Variants in VAV2 observed in about 807,000 individuals in gnomAD.
The protein encoded by VAV2 is guanine nucleotide exchange factor VAV2.
In VAV2, 67 loss-of-function variants were observed where a neutral mutation model predicts 132.5. The ratio of observed to expected loss-of-function variants is 0.51; its 90% CI spans 0.42 to 0.62. The LOEUF is 0.62. VAV2 is among the 20% of genes least tolerant of loss of function. The pLI is 0.00. For missense variants in VAV2, 938 were observed against 1,153.6 expected, an observed-to-expected ratio of 0.81 and a Z score of 2.71; for synonymous variants, 492 against 443.5, an observed-to-expected ratio of 1.11 and a Z score of -1.37.
chr9:133,975,727 C>A (rs979939916), intron 1 of VAV2, among the ~76,000 whole-genome samples: 7 of 152,322 alleles, frequency 4.6e-5, no homozygotes, highest in African/African-American at 1.7e-4. Flanking sequence ...GCCCTGGGTC[C>A]AAGAGAGTGT....
At chr9:133,941,609 G>T (rs1318528331) in intron 1 of VAV2, among the ~76,000 whole-genome samples, 50 of 958 alleles carry the variant, frequency 0.052, no homozygotes, top group East Asian at 0.35. Context: ...ACTTTTTTTT[G>T]GGGGGGGGGG....
chr9:133,974,381 G>C (rs1004180566), intron 1 of VAV2, among the ~76,000 whole-genome samples: 5 of 152,184 alleles, frequency 3.3e-5, no homozygotes, highest in African/African-American at 1.2e-4. Context: ...CTCCCCTTGA[G>C]GCAGCCACTC....
Position 133,788,235 on chromosome 9 carries a change from C to CCCCCCCCCAAA in VAV2, c.1407+118_1407+119insTTTGGGGGGGG. 16 of 998,858 alleles carry CCCCCCCCCAAA rather than the reference C, an allele frequency of 1.6e-5. No homozygotes were observed. Among genetic ancestry groups the CCCCCCCCCAAA allele is most frequent in the East Asian group, 2.9e-5 (1 of 34,184 alleles). 61.9% of individuals were successfully genotyped at this position (998,858 alleles called of 1,614,324 possible). ...CAGAGCGGAGACGCCCACCCCAACC[C>CCCCCCCCCAAA]ACCCGGCCAGCATCAGCGGCTGACT... On this transcript the variant is annotated intron_variant, in intron 15 of 29. Transcript: ENST00000371850. The surrounding 1 kb of genome is among the most constrained non-coding windows in gnomAD (Gnocchi z 5.3).
chr9:133,822,297 G>C (rs1835821104), intron 4 of VAV2, among the ~76,000 whole-genome samples: 1 of 152,224 alleles, frequency 6.6e-6, no homozygotes, highest in African/African-American at 2.4e-5. Flanking sequence ...GCCAAGCAGG[G>C]TACCAAGCTG....
chr9:133,955,852 C>T (rs973206971), intron 1 of VAV2, among the ~76,000 whole-genome samples: 11 of 132,768 alleles, frequency 8.3e-5, no homozygotes, highest in East Asian at 2.3e-4. Flanking sequence ...TCCCCCAGCC[C>T]GAGGGGAGCC....
chr9:133,897,646 T>C (rs543023390), intron 2 of VAV2, among the ~76,000 whole-genome samples: 1 of 152,270 alleles, frequency 6.6e-6, no homozygotes, highest in East Asian at 1.9e-4. Flanking sequence ...CCAAAAGGTG[T>C]GGCTCTAAGC....
chr9:133,768,115 G>C lies in VAV2; in HGVS notation c.2589+327C>G, dbSNP rs998948944. Among the ~76,000 whole-genome samples, 3 of 152,126 alleles carry C rather than the reference G, an allele frequency of 2.0e-5. No homozygotes were observed. Among genetic ancestry groups the C allele is most frequent in the Admixed American group, 6.5e-5 (1 of 15,280 alleles). On this transcript the variant is annotated intron_variant, in intron 29 of 29. Coordinates refer to ENST00000371850, the MANE Select transcript of VAV2 (RefSeq NM_001134398.2). The surrounding 1 kb of genome is among the most constrained non-coding windows in gnomAD (Gnocchi z 5.3). Reference sequence around the variant, plus strand: ...TCCCGCAAACAGAGCTTGGGGACTTGCAAGTAATTTGGCGAGTGCAGCTAT... The same window carrying C: ...TCCCGCAAACAGAGCTTGGGGACTTCCAAGTAATTTGGCGAGTGCAGCTAT...
At position 133,768,730 on chromosome 9, in the gene VAV2, A is replaced by C; in HGVS notation, c.2435-134T>G. The C allele has an allele frequency of 3.3e-6, 4 of 1,201,530 alleles. No homozygotes were observed. Among genetic ancestry groups the C allele is most frequent in the Non-Finnish European group, 3.4e-6 (3 of 883,030 alleles). The allele number at this position is 1,201,530 out of a possible 1,614,324, so 74.4% of individuals were successfully genotyped here. ...TCTGTACCCAGAGAGGAAGGATGTC[A>C]AGCAGAAAGGCTCTGGAGGGACACA... On this transcript the variant is annotated intron_variant, in intron 28 of 29. Coordinates refer to ENST00000371850, the MANE Select transcript of VAV2 (RefSeq NM_001134398.2). The surrounding 1 kb of genome is among the most constrained non-coding windows in gnomAD (Gnocchi z 5.3).
At chr9:133,982,485 G>A (rs995304580) in intron 1 of VAV2, among the ~76,000 whole-genome samples, 7 of 150,648 alleles carry the variant, frequency 4.6e-5, no homozygotes, top group Non-Finnish European at 1.0e-4. Context: ...CCCAAGAGGG[G>A]GCCTAGGATG....
In VAV2 at chr9:133,991,229, G is replaced by A. The variant is rs1247585699; in HGVS notation, c.204+846C>T. ...CTAAGCTGCTCCCGGTAAGGATTCC[G>A]CGACCCCCGGAGAACAGGACGGAAG... On this transcript the variant is annotated intron_variant, in intron 1 of 29. Coordinates refer to ENST00000371850, the MANE Select transcript of VAV2 (RefSeq NM_001134398.2). This position sits in a 1 kb window ranked among gnomAD's most constrained non-coding sequence, Gnocchi z 4.8. Among the ~76,000 whole-genome samples, 2 of 152,196 alleles carry A rather than the reference G, an allele frequency of 1.3e-5. No homozygotes were observed. The highest frequency in any genetic ancestry group is 2.9e-5 in the Non-Finnish European group (2 of 68,042).
At chr9:133,770,036 A>T (rs1266767495) in intron 27 of VAV2, among the ~76,000 whole-genome samples, 1 of 152,170 alleles carries the variant, frequency 6.6e-6, no homozygotes, top group East Asian at 1.9e-4. Context: ...ACAGGGAGGG[A>T]TCTGGGAACA....
intron 4 of VAV2, among the ~76,000 whole-genome samples, chr9:133,818,570 T>C (rs1434748987): frequency 4.6e-5 from 7 of 152,196 alleles, no homozygotes; most frequent in Non-Finnish European, 7.3e-5. Context: ...CTCTGACCTT[T>C]GGACTCAGAC....
chr9:133,784,233 G>A, intron 18 of VAV2, 84 bp downstream of exon 18: 3 of 1,444,748 alleles, frequency 2.1e-6, no homozygotes, highest in Non-Finnish European at 2.9e-6. Flanking sequence ...CAGGGAACAT[G>A]GGACAGATAG....
intron 3 of VAV2, among the ~76,000 whole-genome samples, chr9:133,851,360 T>C (rs1467665847): frequency 6.6e-6 from 1 of 152,232 alleles, no homozygotes; most frequent in East Asian, 1.9e-4. Context: ...CCAGGCACTA[T>C]ACTGAGAACT....
intron 2 of VAV2, among the ~76,000 whole-genome samples, chr9:133,873,054 A>T (rs1000556294): frequency 3.6e-4 from 48 of 131,960 alleles, no homozygotes; most frequent in African/African-American, 1.3e-3. Context: ...CGGAGGTTGC[A>T]GTGAGCCAAG....
In VAV2 at chr9:133,794,077, C is replaced by T. The variant is rs1191222395; in HGVS notation, c.1101+1591G>A. 6.6e-6 allele frequency among the ~76,000 whole-genome samples: 1 copy of T among 152,106 alleles called. No homozygotes were observed. The highest frequency in any genetic ancestry group is 2.1e-4 in the South Asian group (1 of 4,810). On this transcript the variant is annotated intron_variant, in intron 12 of 29. Coordinates refer to ENST00000371850, the MANE Select transcript of VAV2 (RefSeq NM_001134398.2). This position sits in a 1 kb window ranked among gnomAD's most constrained non-coding sequence, Gnocchi z 4.6. ...TCCCGTCGAGGGGCTCAGAGCCACT[C>T]GCCAGCCAGACACCGAGTGCTGAGA...
chr9:133,816,629 A>G (rs987396118), intron 4 of VAV2, among the ~76,000 whole-genome samples: 3 of 152,192 alleles, frequency 2.0e-5, no homozygotes, highest in African/African-American at 7.2e-5. Context: ...GCTACTAAGG[A>G]GGCTGAGGAA....
chr9:133,945,728 T>C (rs985832543), intron 1 of VAV2, among the ~76,000 whole-genome samples: 2 of 152,164 alleles, frequency 1.3e-5, no homozygotes, highest in Non-Finnish European at 2.9e-5. Flanking sequence ...TCCCCATCCA[T>C]GTAGATCGTC....
intron 23 of VAV2, among the ~76,000 whole-genome samples, chr9:133,776,691 T>G (rs1833825717): frequency 6.6e-6 from 1 of 152,200 alleles, no homozygotes; most frequent in African/African-American, 2.4e-5. Flanking sequence ...CCTGGTCCCC[T>G]TGGTCACGCA....
Sources: allele counts gnomAD v4.1 joint callset (sites outside exome capture counted in the v4.1 genomes callset), GRCh38; gene constraint gnomAD v4.1.1; non-coding constraint Gnocchi (gnomAD v3.1); transcripts MANE v1.5; gene names NCBI Gene and HGNC (gene_info 2026-07-23, HGNC 2026-07-21).